The following RELB variants were observed in gnomAD, a reference collection of about 807,000 sequenced individuals.
The protein encoded by RELB is RELB proto-oncogene, NF-kB subunit.
A neutral mutation model predicts 55.4 loss-of-function variants in RELB; 14 were observed. That is an observed-to-expected ratio of 0.25 (90% CI 0.17 to 0.40). The LOEUF is 0.40. Ranked by LOEUF, RELB falls within the 10% of genes least tolerant of loss-of-function variation. The pLI is 1.00. For missense variants in RELB, 669 were observed against 830.7 expected, an observed-to-expected ratio of 0.81 and a Z score of 2.39; for synonymous variants, 409 against 371.3, an observed-to-expected ratio of 1.10 and a Z score of -1.17.
At position 45,011,964 on chromosome 19, in the gene RELB, C is replaced by T. The variant is rs1379722953; in HGVS notation, c.192C>T (p.Asn64=). ...LEIIDEYIKE[N]GFGLDGGQPG... ...TCATCGACGAGTACATCAAGGAGAA[C>T]GGCTTCGGCCTGGACGGGGGACAGC... Residue 64 remains asparagine (N), a synonymous_variant, in exon 4 of 12, where the codon AAC becomes AAT. Coordinates refer to ENST00000221452, the MANE Select transcript of RELB (RefSeq NM_006509.4). The T allele has an allele frequency of 1.2e-5, 18 of 1,556,608 alleles. No homozygotes were observed. The highest frequency in any genetic ancestry group is 1.6e-5 in the Non-Finnish European group (18 of 1,158,038).
chr19:45,020,168 A>G (rs1236211118), intron 4 of RELB, among the ~76,000 whole-genome samples: 2 of 151,956 alleles, frequency 1.3e-5, no homozygotes, highest in African/African-American at 2.4e-5. Context: ...CAGTGTAACT[A>G]CCTACCACCC....
chr19:45,001,931 CA>C (rs1162722211), intron 1 of RELB, among the ~76,000 whole-genome samples: 2 of 142,792 alleles, frequency 1.4e-5, no homozygotes, highest in East Asian at 2.1e-4. Context: ...GACCCTGAGG[CA>C]AAGAAGGGGG....
intron 4 of RELB, among the ~76,000 whole-genome samples, 176 bp downstream of exon 4, chr19:45,012,452 T>A (rs1272472206): frequency 2.0e-5 from 3 of 151,876 alleles, no homozygotes; most frequent in Non-Finnish European, 2.9e-5. Flanking sequence ...AAAGGAGGGG[T>A]CGGACATTTG....
chr19:45,026,803 C>T (rs1237103221), intron 7 of RELB, among the ~76,000 whole-genome samples: 3 of 152,058 alleles, frequency 2.0e-5, no homozygotes, highest in African/African-American at 7.2e-5. Flanking sequence ...GATTTTTCAC[C>T]CTCTATAGAG....
chr19:45,023,740 CTTTTTTTTTTTTTTT>C (rs1168078618), intron 5 of RELB, among the ~76,000 whole-genome samples: 1 of 38,386 alleles, frequency 2.6e-5, no homozygotes, highest in African/African-American at 1.0e-4. Context: ...TGCCCAGCCT[CTTTTTTTTTTTTTTT>C]TTTTTTTTTT....
chr19:45,032,376 G>A (rs932207362), intron 8 of RELB, 158 bp from the exon 9 acceptor site: 10 of 601,152 alleles, frequency 1.7e-5, no homozygotes, highest in African/African-American at 7.5e-5. Flanking sequence ...CTGAGATCGC[G>A]CCATTGCACT....
At chr19:45,036,704 T>G (rs1437862725) in intron 11 of RELB, among the ~76,000 whole-genome samples, 1 of 151,800 alleles carries the variant, frequency 6.6e-6, no homozygotes, top group African/African-American at 2.4e-5. Context: ...TTTTTAGAGA[T>G]AAGGTCTTGC....
At chr19:45,023,506 C>T (rs555239638) in intron 5 of RELB, among the ~76,000 whole-genome samples, 2 of 151,796 alleles carry the variant, frequency 1.3e-5, no homozygotes, top group South Asian at 2.1e-4. Flanking sequence ...GGCGCGATCT[C>T]GGCTCACTGC....
At chr19:45,016,796 G>T (rs894604655) in intron 4 of RELB, among the ~76,000 whole-genome samples, 5 of 152,174 alleles carry the variant, frequency 3.3e-5, no homozygotes, top group Admixed American at 1.3e-4. Flanking sequence ...GGCGGAGGTT[G>T]CAGTGAGCTG....
chr19:45,003,373 G>T (rs1263078431), intron 2 of RELB, among the ~76,000 whole-genome samples: 1 of 151,464 alleles, frequency 6.6e-6, no homozygotes, highest in African/African-American at 2.4e-5. Flanking sequence ...TACTCGGGAG[G>T]CTGAGGCAGG....
At chr19:45,023,827 T>G (rs1971523012) in intron 5 of RELB, among the ~76,000 whole-genome samples, 1 of 134,548 alleles carries the variant, frequency 7.4e-6, no homozygotes, top group South Asian at 2.6e-4. Flanking sequence ...CTCTGCTCAC[T>G]GCAATCTCTG....
At chr19:45,018,097 T>A (rs1474456910) in intron 4 of RELB, among the ~76,000 whole-genome samples, 1 of 151,458 alleles carries the variant, frequency 6.6e-6, no homozygotes, top group Non-Finnish European at 1.5e-5. Flanking sequence ...AGAAACCCCA[T>A]CTATACTAAA....
At chr19:45,019,146 C>T (rs1006714665) in intron 4 of RELB, among the ~76,000 whole-genome samples, 13 of 152,142 alleles carry the variant, frequency 8.5e-5, no homozygotes, top group Admixed American at 7.9e-4. Context: ...CACTGAAGCC[C>T]GGATCTCCAG....
At chr19:45,023,210 T>A (rs1040141582) in intron 5 of RELB, among the ~76,000 whole-genome samples, 2 of 152,004 alleles carry the variant, frequency 1.3e-5, no homozygotes, top group African/African-American at 4.8e-5. Context: ...GCTCAGGAAA[T>A]ATTTGTGGAA....
intron 4 of RELB, among the ~76,000 whole-genome samples, chr19:45,018,396 T>A (rs1249848108): frequency 6.6e-6 from 1 of 151,684 alleles, no homozygotes; most frequent in African/African-American, 2.4e-5. Flanking sequence ...AGAGCGAGAC[T>A]CCATCTCAAA....
rs1258627196 is a variant in RELB at position 45,012,216 on chromosome 19, G to A, written c.444G>A (p.Ser148=). The A allele has an allele frequency of 1.3e-6, 2 of 1,496,810 alleles. No individual in the cohort carries two copies. The highest frequency in any genetic ancestry group is 1.8e-6 in the Non-Finnish European group (2 of 1,137,678). The allele number at this position is 1,496,810 out of a possible 1,614,324, so 92.7% of individuals were successfully genotyped here. The change falls in exon 4 of 12, where the codon TCG becomes TCA. Residue 148 remains serine, a synonymous_variant. Coordinates refer to ENST00000221452, the MANE Select transcript of RELB (RefSeq NM_006509.4). The stretch of plus-strand genomic sequence containing the variant: ...TCCGCTACGAGTGCGAGGGCCGCTC[G>A]GCCGGCAGCATCCTTGGGGAGAGCA... ...MRFRYECEGR[S]AGSILGESST...
rs1393310779 is a variant in RELB, at chr19:45,037,901, G to A, written c.*111G>A. 1.3e-5 allele frequency: 14 copies of A among 1,115,140 alleles called. No individual in the cohort carries two copies. Among genetic ancestry groups the A allele is most frequent in the Non-Finnish European group, 1.6e-5 (13 of 829,074 alleles). 69.1% of individuals were successfully genotyped at this position (1,115,140 alleles called of 1,614,324 possible). ...CCCCTTGGCCCTTCCTCATGCTTCT[G>A]AAGTGGACATATTCAGCCTTGGCGA... On this transcript the variant is annotated 3_prime_UTR_variant, in exon 12 of 12. Transcript: ENST00000221452.
At chr19:45,009,706 G>T in intron 2 of RELB, 108 bp from the exon 3 acceptor site, 3 of 1,311,848 alleles carry the variant, frequency 2.3e-6, no homozygotes, top group Non-Finnish European at 3.2e-6. Context: ...GGAGGAAGAC[G>T]GAAGGGTCAC....
chr19:45,033,171 G>A (rs1168472954), intron 9 of RELB, among the ~76,000 whole-genome samples: 1 of 152,162 alleles, frequency 6.6e-6, no homozygotes, highest in African/African-American at 2.4e-5. Context: ...AGTGCTCAAG[G>A]GCTCACATTG....
Sources: allele counts gnomAD v4.1 joint callset (sites outside exome capture counted in the v4.1 genomes callset), GRCh38; gene constraint gnomAD v4.1.1; transcripts MANE v1.5; gene names NCBI Gene and HGNC (gene_info 2026-07-23, HGNC 2026-07-21).